SMOC2: variants seen among roughly 807,000 people sequenced by gnomAD.
The protein encoded by SMOC2 is SPARC related modular calcium binding 2.
Under a neutral mutation model 61.4 loss-of-function variants are expected in SMOC2, and 39 were observed. The ratio of observed to expected loss-of-function variants is 0.64; its 90% CI spans 0.49 to 0.83. SMOC2 has a LOEUF of 0.83. SMOC2 is among the 40% of genes least tolerant of loss of function. The pLI is 0.00. For synonymous variants in SMOC2, 247 were observed against 239.9 expected (o/e 1.03, Z -0.27); for missense variants, 556 against 592.9 (o/e 0.94, Z 0.65).
At chr6:168,528,593 A>AG (rs1562329948) in intron 4 of SMOC2, among the ~76,000 whole-genome samples, 5 of 152,088 alleles carry the variant, frequency 3.3e-5, no homozygotes, top group African/African-American at 1.2e-4. Flanking sequence ...TTATTATTCA[A>AG]ATGTTTTTCA....
intron 2 of SMOC2, among the ~76,000 whole-genome samples, chr6:168,519,547 C>T (rs541778183): frequency 2.6e-5 from 4 of 152,298 alleles, no homozygotes; most frequent in East Asian, 1.9e-4. Flanking sequence ...CCTTCGGTCT[C>T]GTGTGCAGCC....
At chr6:168,517,412 C>T (rs1783168592) in intron 2 of SMOC2, among the ~76,000 whole-genome samples, 1 of 152,222 alleles carries the variant, frequency 6.6e-6, no homozygotes, top group Non-Finnish European at 1.5e-5. Flanking sequence ...GCAGTGTCTC[C>T]GGGAGGAAAG....
chr6:168,662,557 C>T (rs537456051), intron 11 of SMOC2, among the ~76,000 whole-genome samples: 4 of 152,344 alleles, frequency 2.6e-5, no homozygotes, highest in East Asian at 1.9e-4. Context: ...GAGCCCACCC[C>T]GCCTCCAGCA....
rs139084304 is a variant in SMOC2 at position 168,543,584 on chromosome 6, T to C, written c.464-41T>C. 5,230 of 1,582,094 alleles carry C rather than the reference T, an allele frequency of 3.3e-3. 180 individuals are homozygous for C. The African/African-American group carries it at 0.063, about 19-fold the overall frequency. On this transcript the variant is annotated intron_variant, in intron 4 of 12. Coordinates refer to ENST00000356284, the MANE Select transcript of SMOC2 (RefSeq NM_001166412.2). The stretch of plus-strand genomic sequence containing the variant: ...TTAATTTGTGATGGCCATTTAAGAG[T>C]CCAAAATAATTTCATTTCACTCCTT...
Position 168,509,897 on chromosome 6 carries a change from C to CT in SMOC2, c.85-11dup, listed in dbSNP as rs751243541. The CT allele has an allele frequency of 9.2e-5, 146 of 1,578,780 alleles. No homozygotes were observed. The highest frequency in any genetic ancestry group is 1.4e-4 in the South Asian group (12 of 87,254). ...ATGTGTCTTTAAATTTGTCTGGCTT[C>CT]TTTTTTTCTCCTTTAAGTTTTTGAG... On this transcript the variant is annotated splice_polypyrimidine_tract_variant and intron_variant, in intron 1 of 12. Transcript: ENST00000356284.
intron 1 of SMOC2, among the ~76,000 whole-genome samples, chr6:168,451,961 C>CT (rs1387432737): frequency 1.3e-5 from 2 of 152,206 alleles, no homozygotes; most frequent in Admixed American, 6.5e-5. Flanking sequence ...AGCCCCTGTC[C>CT]TTTTTTGGAA....
chr6:168,636,373 G>A (rs1306356572), intron 9 of SMOC2, among the ~76,000 whole-genome samples: 1 of 152,226 alleles, frequency 6.6e-6, no homozygotes, highest in Non-Finnish European at 1.5e-5. Flanking sequence ...GAGCCATATA[G>A]TACAATGTGA....
intron 4 of SMOC2, among the ~76,000 whole-genome samples, chr6:168,530,952 G>A (rs1783587274): frequency 6.6e-6 from 1 of 152,142 alleles, no homozygotes; most frequent in Non-Finnish European, 1.5e-5. Context: ...CGGTTCGCTC[G>A]GTTCATCCTA....
chr6:168,526,907 G>A (rs1283790113), intron 3 of SMOC2, among the ~76,000 whole-genome samples: 1 of 152,202 alleles, frequency 6.6e-6, no homozygotes, highest in Non-Finnish European at 1.5e-5. Context: ...GCTGAGCCAA[G>A]TCAAATTCAT....
chr6:168,453,271 G>A lies in SMOC2; in HGVS notation c.84+11817G>A, dbSNP rs888454864. Among the ~76,000 whole-genome samples, 1 of 152,298 alleles carries A rather than the reference G, an allele frequency of 6.6e-6. No homozygotes were observed. The highest frequency in any genetic ancestry group is 2.1e-4 in the South Asian group (1 of 4,818). On this transcript the variant is annotated intron_variant, in intron 1 of 12. Transcript: ENST00000356284. The surrounding 1 kb of genome is among the most constrained non-coding windows in gnomAD (Gnocchi z 4.4). ...CCCCAAGAGGGTGTGGGGCAGCCAG[G>A]GGGTGTGGTGGCCTCAAGGCTCCGT...
chr6:168,636,860 T>TG (rs1208871020), intron 9 of SMOC2, among the ~76,000 whole-genome samples: 4 of 106,666 alleles, frequency 3.8e-5, no homozygotes, highest in African/African-American at 1.5e-4. Context: ...GCCTCCCTCC[T>TG]CCCGCCTCCC....
chr6:168,657,763 C>T (rs528614698), intron 11 of SMOC2, among the ~76,000 whole-genome samples: 9 of 152,092 alleles, frequency 5.9e-5, no homozygotes, highest in African/African-American at 1.2e-4. Flanking sequence ...AATAGAAGGG[C>T]GAAGAGAGGG....
chr6:168,573,660 C>T (rs1784726874), intron 7 of SMOC2, among the ~76,000 whole-genome samples: 1 of 152,112 alleles, frequency 6.6e-6, no homozygotes, highest in Admixed American at 6.5e-5. Flanking sequence ...CCTGGGAACT[C>T]CGTGGCCCCT....
chr6:168,577,369 C>T (rs1160177576), intron 7 of SMOC2, among the ~76,000 whole-genome samples: 3 of 152,198 alleles, frequency 2.0e-5, no homozygotes, highest in East Asian at 1.9e-4. Context: ...CAAGTGCTCT[C>T]TCTCTTTTAG....
At chr6:168,530,241 G>A (rs1783557283) in intron 4 of SMOC2, among the ~76,000 whole-genome samples, 1 of 152,146 alleles carries the variant, frequency 6.6e-6, no homozygotes, top group South Asian at 2.1e-4. Flanking sequence ...GGGCTCCACT[G>A]ACTGGCATGA....
intron 11 of SMOC2, among the ~76,000 whole-genome samples, chr6:168,660,382 A>G (rs1183345857): frequency 6.6e-6 from 1 of 152,168 alleles, no homozygotes; most frequent in Non-Finnish European, 1.5e-5. Context: ...GCTGAGCAGG[A>G]CCCTGGTGTT....
At position 168,526,325 on chromosome 6, in the gene SMOC2, C is replaced by A. The variant is rs1466923996; in HGVS notation, c.257-21C>A. The A allele has an allele frequency of 4.4e-6, 7 of 1,601,840 alleles. No homozygotes were observed. The Admixed American group carries it at 5.0e-5, about 11-fold the overall frequency. ...TTCTTCCCATTGCATAACCACACCTCTGCCCTGTTCTTCCCTACAGACGTG... is the reference window on the plus strand; with the variant it reads ...TTCTTCCCATTGCATAACCACACCTATGCCCTGTTCTTCCCTACAGACGTG... On this transcript the variant is annotated intron_variant, in intron 2 of 12. Coordinates refer to ENST00000356284, the MANE Select transcript of SMOC2 (RefSeq NM_001166412.2).
chr6:168,543,765 GTGA>G (rs3832408), intron 5 of SMOC2, 93 bp downstream of exon 5: 5 of 1,202,898 alleles, frequency 4.2e-6, no homozygotes, highest in South Asian at 1.3e-5. Flanking sequence ...ACATCCACTA[GTGA>G]TGATGATGAG....
intron 1 of SMOC2, among the ~76,000 whole-genome samples, chr6:168,500,838 G>T (rs1233483702): frequency 1.3e-5 from 2 of 152,182 alleles, no homozygotes; most frequent in Admixed American, 1.3e-4. Flanking sequence ...TCATCCAGGG[G>T]CATCTCGATT....
Sources: allele counts gnomAD v4.1 joint callset (sites outside exome capture counted in the v4.1 genomes callset), GRCh38; gene constraint gnomAD v4.1.1; non-coding constraint Gnocchi (gnomAD v3.1); transcripts MANE v1.5; gene names NCBI Gene and HGNC (gene_info 2026-07-23, HGNC 2026-07-21).